Variants in CLASP1 observed in about 807,000 individuals in gnomAD.
The protein encoded by CLASP1 is CLIP-associating protein 1.
CLASP1 carries 38 observed loss-of-function variants against 192.3 expected under a neutral mutation model. The ratio of observed to expected loss-of-function variants is 0.20; its 90% CI spans 0.15 to 0.26. CLASP1 has a LOEUF of 0.26. CLASP1 is among the 10% of genes least tolerant of loss of function. CLASP1 has a pLI of 1.00. For missense variants in CLASP1, 1,433 were observed against 1,932.5 expected (o/e 0.74, Z 4.85); for synonymous variants, 691 against 712.8 (o/e 0.97, Z 0.49).
chr2:121,642,513 C>CT (rs1299651077), intron 1 of CLASP1, among the ~76,000 whole-genome samples: 1 of 151,882 alleles, frequency 6.6e-6, no homozygotes, highest in East Asian at 1.9e-4. Flanking sequence ...AGGTGGATCA[C>CT]TTGAGGTCAG....
intron 7 of CLASP1, among the ~76,000 whole-genome samples, chr2:121,506,700 G>A (rs1039251173): frequency 1.3e-5 from 2 of 152,154 alleles, no homozygotes; most frequent in Non-Finnish European, 2.9e-5. Flanking sequence ...AAGGAAGACA[G>A]AGGTGCAAAA....
At chr2:121,645,968 C>T (rs1374563048) in intron 1 of CLASP1, among the ~76,000 whole-genome samples, 1 of 152,132 alleles carries the variant, frequency 6.6e-6, no homozygotes, top group Non-Finnish European at 1.5e-5. Flanking sequence ...AACACATATA[C>T]CCGTACTTTG....
At chr2:121,521,059 G>GT (rs1379073617) in intron 6 of CLASP1, among the ~76,000 whole-genome samples, 2 of 152,176 alleles carry the variant, frequency 1.3e-5, no homozygotes, top group Non-Finnish European at 2.9e-5. Flanking sequence ...CACTGGCTGG[G>GT]TATCTGATGA....
chr2:121,436,622 G>A (rs1202777493), intron 19 of CLASP1, among the ~76,000 whole-genome samples: 1 of 151,852 alleles, frequency 6.6e-6, no homozygotes, highest in Non-Finnish European at 1.5e-5. Context: ...TGTTGGCCAG[G>A]CTGGTCTCAA....
At chr2:121,457,458 T>TACACAC (rs112547655) in intron 14 of CLASP1, among the ~76,000 whole-genome samples, 2,906 of 143,498 alleles carry the variant, frequency 0.02, 82 homozygotes, top group African/African-American at 0.067. Flanking sequence ...CACACAGACA[T>TACACAC]ACACACACAC....
chr2:121,613,140 C>T (rs1474135142), intron 1 of CLASP1, among the ~76,000 whole-genome samples: 1 of 152,182 alleles, frequency 6.6e-6, no homozygotes, highest in Non-Finnish European at 1.5e-5. Flanking sequence ...GTCACTGTAT[C>T]AGTCACCTGA....
chr2:121,593,008 G>C (rs1019351163), intron 2 of CLASP1, among the ~76,000 whole-genome samples: 1 of 152,176 alleles, frequency 6.6e-6, no homozygotes, highest in Non-Finnish European at 1.5e-5. Flanking sequence ...AGTTTAATGA[G>C]TAATAGGATA....
chr2:121,573,190 C>T (rs1444865389), intron 2 of CLASP1, among the ~76,000 whole-genome samples: 5 of 152,118 alleles, frequency 3.3e-5, no homozygotes, highest in Admixed American at 3.3e-4. Flanking sequence ...GAACTCCTGA[C>T]CTCAGGTGAT....
intron 2 of CLASP1, among the ~76,000 whole-genome samples, chr2:121,587,026 A>C (rs916228990): frequency 8.6e-5 from 13 of 151,866 alleles, no homozygotes; most frequent in Non-Finnish European, 1.6e-4. Context: ...GCGGATCACA[A>C]AGTCAGTAGT....
chr2:121,490,825 T>G (rs1306745615), intron 8 of CLASP1, among the ~76,000 whole-genome samples: 1 of 152,228 alleles, frequency 6.6e-6, no homozygotes. Flanking sequence ...CCTAAGATAC[T>G]GAACCACTAT....
At chr2:121,558,085 G>GA (rs397961554) in intron 2 of CLASP1, among the ~76,000 whole-genome samples, 3,192 of 79,300 alleles carry the variant, frequency 0.04, 79 homozygotes, top group South Asian at 0.18. Context: ...GTCTCAAAAA[G>GA]AAAAAAAAAA....
intron 1 of CLASP1, among the ~76,000 whole-genome samples, chr2:121,646,967 G>A (rs911339163): frequency 3.3e-5 from 5 of 151,226 alleles, no homozygotes; most frequent in Admixed American, 2.0e-4. Context: ...ATGAACCTGG[G>A]AGGCGGAGCT....
intron 32 of CLASP1, among the ~76,000 whole-genome samples, chr2:121,384,274 C>T (rs2072671671): frequency 6.6e-6 from 1 of 151,786 alleles, no homozygotes; most frequent in Non-Finnish European, 1.5e-5. Flanking sequence ...CTGCAGCCTC[C>T]ATGTCCTGCG....
chr2:121,526,032 A>G, intron 5 of CLASP1, 112 bp from the exon 6 acceptor site: 1 of 720,764 alleles, frequency 1.4e-6, no homozygotes. Flanking sequence ...TCACCACCTC[A>G]TACCAAGTCT....
intron 7 of CLASP1, chr2:121,504,059 C>T (rs923140116): frequency 6.6e-6 from 1 of 152,040 alleles, no homozygotes; most frequent in African/African-American, 2.4e-5. Context: ...AGTGAAATCC[C>T]ATCTCTACTA....
At chr2:121,406,857 C>T (rs2076982046) in intron 25 of CLASP1, among the ~76,000 whole-genome samples, 1 of 152,140 alleles carries the variant, frequency 6.6e-6, no homozygotes, top group Admixed American at 6.5e-5. Flanking sequence ...TCTCAAAGTG[C>T]TGGGATTACA....
At chr2:121,535,214 G>C (rs1265122446) in intron 2 of CLASP1, among the ~76,000 whole-genome samples, 1 of 152,220 alleles carries the variant, frequency 6.6e-6, no homozygotes, top group Non-Finnish European at 1.5e-5. Flanking sequence ...AGCCTGGGAG[G>C]CGGAAGTTGC....
intron 2 of CLASP1, among the ~76,000 whole-genome samples, chr2:121,574,762 C>T (rs2060334848): frequency 6.6e-6 from 1 of 151,844 alleles, no homozygotes; most frequent in Non-Finnish European, 1.5e-5. Flanking sequence ...CATGATGAAA[C>T]CCTGTCTCTA....
At chr2:121,531,108 GGTTTTAGTGTCGCAAGTAAA>G (rs1192453030) in intron 2 of CLASP1, 42 of 640,308 alleles carry the variant, frequency 6.6e-5, no homozygotes, top group Non-Finnish European at 1.0e-4. Context: ...CAAGACGCGT[GGTTTTAGTGTCGCAAGTAAA>G]GTTCTTTCAG....
Sources: gnomAD v4.1 joint callset for allele counts (sites outside exome capture counted in the v4.1 genomes callset) on GRCh38, gnomAD v4.1.1 for gene constraint, MANE v1.5 for transcripts, NCBI Gene and HGNC (gene_info 2026-07-23, HGNC 2026-07-21) for gene names.